Variants in KCNIP3 observed in about 807,000 individuals in gnomAD.
The protein encoded by KCNIP3 is potassium voltage-gated channel interacting protein 3.
KCNIP3 carries 28 observed loss-of-function variants against 35.0 expected under a neutral mutation model. That is an observed-to-expected ratio of 0.80 (90% CI 0.59 to 1.10). The LOEUF (loss-of-function observed/expected upper bound fraction) is 1.10. Ranked by LOEUF, KCNIP3 falls within the 50% of genes least tolerant of loss-of-function variation. The pLI is 0.00. For synonymous variants in KCNIP3, 134 were observed against 133.8 expected (o/e 1.00, Z -0.01); for missense variants, 295 against 338.4 (o/e 0.87, Z 1.01).
chr2:95,320,750 G>A (rs1349271446), intron 2 of KCNIP3, among the ~76,000 whole-genome samples: 1 of 151,826 alleles, frequency 6.6e-6, no homozygotes, highest in Admixed American at 6.6e-5. Flanking sequence ...CAAACTCCAG[G>A]GGACACATTC....
chr2:95,322,717 G>A (rs1030405371), intron 2 of KCNIP3, among the ~76,000 whole-genome samples: 1 of 152,214 alleles, frequency 6.6e-6, no homozygotes, highest in Non-Finnish European at 1.5e-5. Flanking sequence ...TGTCTATCCC[G>A]TGATTTCTCC....
chr2:95,324,736 C>T (rs1289773533), intron 2 of KCNIP3, among the ~76,000 whole-genome samples: 1 of 151,804 alleles, frequency 6.6e-6, no homozygotes, highest in Non-Finnish European at 1.5e-5. Context: ...TATGGTGAAA[C>T]CCCGTCTCTA....
chr2:95,364,399 GCATCTGTGTTCAA>G (rs1679871005), intron 2 of KCNIP3, among the ~76,000 whole-genome samples: 1 of 152,088 alleles, frequency 6.6e-6, no homozygotes, highest in African/African-American at 2.4e-5. Context: ...TTAGGGTTTT[GCATCTGTGTTCAA>G]AAGTGGCATT....
chr2:95,337,264 T>C (rs1219631863), intron 2 of KCNIP3, among the ~76,000 whole-genome samples: 1 of 152,126 alleles, frequency 6.6e-6, no homozygotes, highest in African/African-American at 2.4e-5. Flanking sequence ...TCGAGGATCA[T>C]TGCCTCGAGA....
chr2:95,355,469 A>T (rs1679633997), intron 2 of KCNIP3, among the ~76,000 whole-genome samples: 1 of 152,086 alleles, frequency 6.6e-6, no homozygotes, highest in Non-Finnish European at 1.5e-5. Context: ...TACATTAGGT[A>T]TTTCGCCTAA....
chr2:95,364,485 C>A (rs1391093259), intron 2 of KCNIP3, among the ~76,000 whole-genome samples: 1 of 152,108 alleles, frequency 6.6e-6, no homozygotes, highest in Non-Finnish European at 1.5e-5. Flanking sequence ...TTGTCCCCCC[C>A]CACATCTCAT....
At chr2:95,336,671 A>C (rs937891255) in intron 2 of KCNIP3, among the ~76,000 whole-genome samples, 2 of 152,122 alleles carry the variant, frequency 1.3e-5, no homozygotes, top group Non-Finnish European at 2.9e-5. Flanking sequence ...AAGAGCATTG[A>C]GTTTTGTTTT....
At chr2:95,299,729 C>A (rs1198375278) in intron 1 of KCNIP3, among the ~76,000 whole-genome samples, 1 of 152,248 alleles carries the variant, frequency 6.6e-6, no homozygotes, top group African/African-American at 2.4e-5. Context: ...TGGCTTCCAG[C>A]CTTGTTGCAG....
At chr2:95,346,949 C>T (rs1177288590) in intron 2 of KCNIP3, 6 of 1,120,224 alleles carry the variant, frequency 5.4e-6, no homozygotes, top group African/African-American at 1.7e-5. Flanking sequence ...GCAGGGGCCC[C>T]GGTGCCTCCG....
intron 1 of KCNIP3, among the ~76,000 whole-genome samples, chr2:95,310,011 G>A (rs959884830): frequency 6.6e-6 from 1 of 152,218 alleles, no homozygotes; most frequent in African/African-American, 2.4e-5. Flanking sequence ...GATTGGGATC[G>A]TGATTTCTAA....
intron 1 of KCNIP3, among the ~76,000 whole-genome samples, chr2:95,301,274 G>T (rs531888912): frequency 1.3e-5 from 2 of 152,370 alleles, no homozygotes; most frequent in African/African-American, 4.8e-5. Context: ...TCAAGTCAGG[G>T]CCACTGCCAG....
chr2:95,299,107 A>C (rs1023114757), intron 1 of KCNIP3: 1 of 152,174 alleles, frequency 6.6e-6, no homozygotes, highest in Admixed American at 6.5e-5. Context: ...TCCTGCACTT[A>C]CATCTGGTTC....
chr2:95,364,176 C>T (rs1015038744), intron 2 of KCNIP3, among the ~76,000 whole-genome samples: 6 of 152,174 alleles, frequency 3.9e-5, no homozygotes, highest in East Asian at 1.9e-4. Context: ...AAGCAAATCA[C>T]GTTAAAGAAC....
intron 2 of KCNIP3, among the ~76,000 whole-genome samples, chr2:95,354,092 G>A (rs1386491134): frequency 6.6e-6 from 1 of 152,198 alleles, no homozygotes; most frequent in African/African-American, 2.4e-5. Flanking sequence ...CTGTCTGAGT[G>A]GTTTCCTCAC....
intron 2 of KCNIP3, among the ~76,000 whole-genome samples, chr2:95,314,325 T>G (rs1342415390): frequency 6.6e-6 from 1 of 152,244 alleles, no homozygotes; most frequent in Non-Finnish European, 1.5e-5. Context: ...GTGCAAATTT[T>G]CAAGGATTTC....
chr2:95,328,392 G>T (rs1311362960), intron 2 of KCNIP3, among the ~76,000 whole-genome samples: 1 of 152,260 alleles, frequency 6.6e-6, no homozygotes, highest in Non-Finnish European at 1.5e-5. Context: ...ATCCCGCTTG[G>T]GAAATGTGAG....
Position 95,335,333 on chromosome 2 carries a change from A to C in KCNIP3, c.181+24813A>C, listed in dbSNP as rs188418542. Among the ~76,000 whole-genome samples, 7 of 152,354 alleles carry C rather than the reference A, an allele frequency of 4.6e-5. No homozygotes were observed. The East Asian group carries it at 1.3e-3, about 29-fold the overall frequency. On this transcript the variant is annotated intron_variant, in intron 2 of 8. Transcript: ENST00000295225. ...TAATTTACCCTTCATTTTTTAAAAG[A>C]CATTTTTGCTGGGTATAGATTTCCA...
intron 2 of KCNIP3, among the ~76,000 whole-genome samples, chr2:95,345,632 T>G (rs1449623499): frequency 6.6e-6 from 1 of 152,206 alleles, no homozygotes; most frequent in African/African-American, 2.4e-5. Context: ...GCGGGAAGGA[T>G]GAGGTGCGGG....
intron 2 of KCNIP3, among the ~76,000 whole-genome samples, chr2:95,325,396 C>T (rs1015073540): frequency 6.6e-6 from 1 of 152,172 alleles, no homozygotes; most frequent in Non-Finnish European, 1.5e-5. Context: ...AGAAAGAACA[C>T]AAGAGGACAG....
Sources: gnomAD v4.1 joint callset for allele counts (sites outside exome capture counted in the v4.1 genomes callset) on GRCh38, gnomAD v4.1.1 for gene constraint, MANE v1.5 for transcripts, NCBI Gene and HGNC (gene_info 2026-07-23, HGNC 2026-07-21) for gene names.